Variants in KLHL12 observed in about 807,000 individuals in gnomAD.
KLHL12 encodes the protein kelch like family member 12.
Under a neutral mutation model 60.8 loss-of-function variants are expected in KLHL12, and 17 were observed. The observed-to-expected ratio is 0.28, with a 90% CI of 0.19 to 0.42. KLHL12 has a LOEUF of 0.42. Ranked by LOEUF, KLHL12 falls within the 10% of genes least tolerant of loss-of-function variation. The probability of loss-of-function intolerance (pLI) is 1.00; values close to 1 mark genes in which losing one functional copy is unlikely to be tolerated. For synonymous variants in KLHL12, 220 were observed against 250.9 expected, an observed-to-expected ratio of 0.88 and a Z score of 1.16; for missense variants, 468 against 722.3, an observed-to-expected ratio of 0.65 and a Z score of 4.04.
intron 1 of KLHL12, 131 bp downstream of exon 1, chr1:202,926,958 G>T: frequency 1.4e-6 from 1 of 698,008 alleles, no homozygotes; most frequent in Non-Finnish European, 1.8e-6. Context: ...CCCACTGCCA[G>T]CCTTCCTCCT....
intron 6 of KLHL12, among the ~76,000 whole-genome samples, chr1:202,904,516 G>A (rs1182680792): frequency 1.3e-5 from 2 of 151,964 alleles, no homozygotes; most frequent in African/African-American, 4.8e-5. Flanking sequence ...AATCTGACTC[G>A]TGTAAAAAAA....
rs191634083 is a variant in KLHL12 at position 202,909,814 on chromosome 1, C to T, written c.718-690G>A. Among the ~76,000 whole-genome samples, 325 of 152,310 alleles carry T rather than the reference C, an allele frequency of 2.1e-3. No homozygotes were observed. The highest frequency in any genetic ancestry group is 3.5e-3 in the Non-Finnish European group (241 of 68,022). ...TTCCTTTAAGGTTCTAGTAACCACT[C>T]CTCAACCTTGTCCCTTCAGGCTTAG... On this transcript the variant is annotated intron_variant, in intron 5 of 11. Transcript: ENST00000367261. The surrounding 1 kb of genome is among the most constrained non-coding windows in gnomAD (Gnocchi z 4.1).
rs182914986 is a variant in KLHL12 at position 202,916,071 on chromosome 1, T to C, written c.567+2100A>G. ...AGAAAAATCAAGATATTCTAGTGAA[T>C]TGCCAGTTTCCAAGTCTGATGAATA... On this transcript the variant is annotated intron_variant, in intron 4 of 11. Coordinates refer to ENST00000367261, the MANE Select transcript of KLHL12 (RefSeq NM_021633.4). 4.5e-4 allele frequency among the ~76,000 whole-genome samples: 68 copies of C among 152,372 alleles called. 1 individual carries two copies. Among genetic ancestry groups the C allele is most frequent in the Admixed American group, 9.8e-4 (15 of 15,306 alleles).
At chr1:202,912,717 G>C in intron 4 of KLHL12, 2 of 1,397,010 alleles carry the variant, frequency 1.4e-6, no homozygotes, top group Non-Finnish European at 2.0e-6. Context: ...CTATGGCAGT[G>C]GCAGAAGATT....
At chr1:202,898,980 T>A (rs1036716146) in intron 6 of KLHL12, among the ~76,000 whole-genome samples, 1 of 151,122 alleles carries the variant, frequency 6.6e-6, no homozygotes, top group Admixed American at 6.6e-5. Context: ...CACGTGGAAG[T>A]ATGACACATA....
At position 202,927,087 on chromosome 1, in the gene KLHL12, AC is replaced by A; in HGVS notation, c.-46+1del. The A allele has an allele frequency of 1.0e-6, 1 of 985,322 alleles. No homozygotes were observed. Among genetic ancestry groups the A allele is most frequent in the Non-Finnish European group, 1.2e-6 (1 of 829,994 alleles). The allele number at this position is 985,322 out of a possible 1,614,324, so 61.0% of individuals were successfully genotyped here. On this transcript the variant is annotated splice_donor_variant, in intron 1 of 11. Transcript: ENST00000367261. LOFTEE classifies it low-confidence loss of function (5UTR_SPLICE). ...GACTGCCATCACTTCCGCGCAACTC[AC>A]CTCCGCTCCCGAACCCACACAGCCG... is the stretch of plus-strand genomic sequence containing the variant.
At chr1:202,911,760 C>G in intron 4 of KLHL12, 1 of 661,014 alleles carries the variant, frequency 1.5e-6, no homozygotes, top group South Asian at 1.9e-5. Flanking sequence ...GCCTTTCTGC[C>G]TGTGGACGCC....
upstream of KLHL12, chr1:202,927,316 G>C: frequency 1.0e-6 from 1 of 963,854 alleles, no homozygotes. Context: ...CGTCACGTGA[G>C]GAGGTGGTGT....
chr1:202,919,394 T>C lies in KLHL12; in HGVS notation c.349+361A>G, dbSNP rs539458463. Reference sequence around the variant, plus strand: ...GAAATACTACCACTTAATGGCCAGATAGATAAAGAGTATCCATGTAGGCTA... The same window carrying C: ...GAAATACTACCACTTAATGGCCAGACAGATAAAGAGTATCCATGTAGGCTA... On this transcript the variant is annotated intron_variant, in intron 3 of 11. Transcript: ENST00000367261. 1.1e-4 allele frequency among the ~76,000 whole-genome samples: 16 copies of C among 152,372 alleles called. 1 individual carries two copies. The East Asian group carries it at 1.5e-3, about 15-fold the overall frequency.
Position 202,919,735 on chromosome 1 carries a change from G to A in KLHL12, c.349+20C>T, listed in dbSNP as rs748268515. 1 of 1,581,074 alleles carries A rather than the reference G, an allele frequency of 6.3e-7. No individual in the cohort carries two copies. The highest frequency in any genetic ancestry group is 1.4e-5 in the African/African-American group (1 of 73,284). On this transcript the variant is annotated intron_variant, in intron 3 of 11. Transcript: ENST00000367261. ...CAGGGCTATTTTGACATAAACAATA[G>A]CAAGTTTTAATGTCTGTACCTTTCA...
chr1:202,920,501 C>T (rs1460470407), intron 2 of KLHL12, among the ~76,000 whole-genome samples: 1 of 150,096 alleles, frequency 6.7e-6, no homozygotes, highest in Non-Finnish European at 1.5e-5. Flanking sequence ...CTCAGCCTCC[C>T]GAGTAGTTTG....
At position 202,892,672 on chromosome 1, in the gene KLHL12, G is replaced by A. The variant is rs767334505; in HGVS notation, c.1581-13C>T. The A allele has an allele frequency of 4.3e-6, 7 of 1,612,292 alleles. No homozygotes were observed. Among genetic ancestry groups the A allele is most frequent in the Non-Finnish European group, 5.1e-6 (6 of 1,178,600 alleles). On this transcript the variant is annotated splice_polypyrimidine_tract_variant and intron_variant, in intron 11 of 11. Transcript: ENST00000367261. ...ATTACCATCATATCTGAGTGGGAAA[G>A]AAGCAAAAGAAAGAAATGAGTCAGC...
chr1:202,904,715 G>A (rs1425360273), intron 6 of KLHL12, among the ~76,000 whole-genome samples: 2 of 152,184 alleles, frequency 1.3e-5, no homozygotes, highest in African/African-American at 4.8e-5. Context: ...TTTAGAAAGA[G>A]GGGAAGGGGA....
chr1:202,900,637 G>T (rs1325852529), intron 6 of KLHL12, among the ~76,000 whole-genome samples: 1 of 152,206 alleles, frequency 6.6e-6, no homozygotes, highest in Non-Finnish European at 1.5e-5. Flanking sequence ...GCCGAGGCGG[G>T]TGGATCACTT....
intron 6 of KLHL12, among the ~76,000 whole-genome samples, chr1:202,908,576 C>T (rs1275194388): frequency 6.6e-6 from 1 of 152,178 alleles, no homozygotes; most frequent in Admixed American, 6.5e-5. Context: ...CATGTACTTT[C>T]TACCACACTG....
At chr1:202,915,150 T>C (rs372880162) in intron 4 of KLHL12, among the ~76,000 whole-genome samples, 12 of 152,230 alleles carry the variant, frequency 7.9e-5, no homozygotes, top group East Asian at 5.8e-4. Flanking sequence ...GGCGTTCTTA[T>C]TTTATGCTCA....
At chr1:202,896,382 A>T (rs1453841541) in intron 7 of KLHL12, among the ~76,000 whole-genome samples, 2 of 152,034 alleles carry the variant, frequency 1.3e-5, no homozygotes, top group Non-Finnish European at 2.9e-5. Flanking sequence ...GTAGAGACAG[A>T]GTCTCACCAT....
rs1287368266 is a variant in KLHL12, at chr1:202,891,782, T to C, written c.*751A>G. On this transcript the variant is annotated 3_prime_UTR_variant, in exon 12 of 12. Coordinates refer to ENST00000367261, the MANE Select transcript of KLHL12 (RefSeq NM_021633.4). ...AACATTTGTTCACTCTTTTATGCTG[T>C]CTCCAGTGCGAAAGACCTCGGGGAA... 6.6e-6 allele frequency: 1 copy of C among 152,198 alleles called. No individual in the cohort carries two copies. Among genetic ancestry groups the C allele is most frequent in the Non-Finnish European group, 1.5e-5 (1 of 68,034 alleles). The allele number at this position is 152,198 out of a possible 1,614,324, so 9.4% of individuals were successfully genotyped here. A position where few individuals can be genotyped will look rare whatever the true frequency, so the allele number is the denominator to read the frequency against.
intron 4 of KLHL12, among the ~76,000 whole-genome samples, chr1:202,915,671 T>C (rs1484454719): frequency 6.6e-6 from 1 of 152,226 alleles, no homozygotes; most frequent in Admixed American, 6.5e-5. Flanking sequence ...AGTTGAGTGA[T>C]TAAGAGAAGA....
Sources: allele counts gnomAD v4.1 joint callset (sites outside exome capture counted in the v4.1 genomes callset), GRCh38; gene constraint gnomAD v4.1.1; non-coding constraint Gnocchi (gnomAD v3.1); transcripts MANE v1.5; gene names NCBI Gene and HGNC (gene_info 2026-07-23, HGNC 2026-07-21).